SETX: variants seen among roughly 807,000 people sequenced by gnomAD.
SETX encodes the protein senataxin.
In SETX, 90 loss-of-function variants were observed where a neutral mutation model predicts 227.2. The observed-to-expected ratio is 0.40, with a 90% confidence interval of 0.33 to 0.47. The LOEUF is 0.47. SETX is among the 20% of genes least tolerant of loss of function. The pLI, the probability that SETX is intolerant of heterozygous loss-of-function variation, is 0.91. For synonymous variants in SETX, 1,210 were observed against 1,113.2 expected, an observed-to-expected ratio of 1.09 and a Z score of -1.73; for missense variants, 3,052 against 3,181.5, an observed-to-expected ratio of 0.96 and a Z score of 0.98.
rs1843947443 is a variant in SETX, at chr9:132,287,096, T to G, written c.6325-602A>C. 5.9e-5 allele frequency among the ~76,000 whole-genome samples: 9 copies of G among 152,174 alleles called. No homozygotes were observed. In the South Asian group the frequency reaches 1.9e-3, roughly 32 times the overall value. ...TCCACCCATACTGAAGCTAATTCCC[T>G]TTCTGTCTAACCTAATTTGAACTGG... On this transcript the variant is annotated intron_variant, in intron 17 of 25. Coordinates refer to ENST00000224140, the MANE Select transcript of SETX (RefSeq NM_015046.7).
At chr9:132,338,517 C>T (rs1465030915) in intron 5 of SETX, among the ~76,000 whole-genome samples, 1 of 152,110 alleles carries the variant, frequency 6.6e-6, no homozygotes, top group Non-Finnish European at 1.5e-5. Flanking sequence ...TAAATAAGAC[C>T]TTTTACCAGC....
At chr9:132,312,404 C>T (rs1845715549) in intron 10 of SETX, among the ~76,000 whole-genome samples, 1 of 152,294 alleles carries the variant, frequency 6.6e-6, no homozygotes, top group African/African-American at 2.4e-5. Flanking sequence ...TATTCCCAAT[C>T]CCAAATTTAG....
chr9:132,277,239 G>T, intron 21 of SETX, 87 bp from the exon 22 acceptor site: 1 of 1,205,520 alleles, frequency 8.3e-7, no homozygotes, highest in Non-Finnish European at 1.2e-6. Context: ...TTTCTGTGTG[G>T]TGATGTGGGC....
chr9:132,267,235 G>T (rs1472212051), intron 25 of SETX, among the ~76,000 whole-genome samples: 3 of 152,210 alleles, frequency 2.0e-5, no homozygotes, highest in African/African-American at 7.2e-5. Context: ...TAAAATGCTT[G>T]GCCCGGTGGC....
At position 132,327,704 on chromosome 9, in the gene SETX, C is replaced by T; in HGVS notation, c.3894G>A (p.Glu1298=). The change falls in exon 10 of 26, where the codon GAG becomes GAA. Residue 1298 remains glutamate (E), a synonymous_variant. Coordinates refer to ENST00000224140, the MANE Select transcript of SETX (RefSeq NM_015046.7). ...GLKKGPRKAY[E]LSQRSLDYVA... The stretch of plus-strand genomic sequence containing the variant: ...CATAATCCAAAGACCGCTGGGACAA[C>T]TCATATGCCTTACGAGGACCCTTTT... The T allele has an allele frequency of 6.2e-7, 1 of 1,614,148 alleles. No homozygotes were observed. The highest frequency in any genetic ancestry group is 1.1e-5 in the South Asian group (1 of 91,084).
intron 4 of SETX, among the ~76,000 whole-genome samples, chr9:132,345,615 T>C (rs2131554136): frequency 6.6e-6 from 1 of 152,330 alleles, no homozygotes; most frequent in South Asian, 2.1e-4. Context: ...GGTGAACAGA[T>C]ACGTAATAAA....
intron 4 of SETX, among the ~76,000 whole-genome samples, chr9:132,345,969 T>C (rs763688729): frequency 6.6e-6 from 1 of 152,132 alleles, no homozygotes; most frequent in African/African-American, 2.4e-5. Context: ...CAGTGGGCCA[T>C]GACTGCGCCA....
In SETX at chr9:132,296,882, C is replaced by T. The variant is rs374656811; in HGVS notation, c.5949+5G>A. 1,972 of 1,613,814 alleles carry T rather than the reference C, an allele frequency of 1.2e-3. 4 individuals are homozygous for T. The highest frequency in any genetic ancestry group is 1.5e-3 in the Non-Finnish European group (1,808 of 1,179,868). The stretch of plus-strand genomic sequence containing the variant: ...AACAGCATCAGTGCCCTCACCCATA[C>T]CTACCTCTGTCAGTAGACGATAGAG... On this transcript the variant is annotated splice_donor_5th_base_variant and intron_variant, in intron 14 of 25. Coordinates refer to ENST00000224140, the MANE Select transcript of SETX (RefSeq NM_015046.7).
intron 23 of SETX, among the ~76,000 whole-genome samples, 153 bp from the exon 24 acceptor site, chr9:132,271,961 C>A (rs568883561): frequency 6.6e-6 from 1 of 151,694 alleles, no homozygotes; most frequent in Non-Finnish European, 1.5e-5. Context: ...CAGTTCACTG[C>A]AAGCTCTGCC....
chr9:132,296,489 G>T (rs1465742081), intron 14 of SETX, among the ~76,000 whole-genome samples: 2 of 152,036 alleles, frequency 1.3e-5, no homozygotes, highest in African/African-American at 2.4e-5. Flanking sequence ...ACTTGACCTG[G>T]GAGGCAGAGG....
rs200778360 is a variant in SETX, at chr9:132,288,597, C to T, written c.6161G>A (p.Ser2054Asn). 46 of 1,613,916 alleles carry T rather than the reference C, an allele frequency of 2.9e-5. No individual in the cohort carries two copies. The East Asian group carries it at 8.7e-4, about 31-fold the overall frequency. ...VRLGPEKSIN[S>N]EVLKFSLDSQ... ...GTCCAAACTGAACTTTAGAACCTCA[C>T]TATTAATAGACTTTTCTGGACCCAG... Residue 2054 changes from serine to asparagine, a missense_variant, in exon 16 of 26, where the codon AGT becomes AAT. Physicochemically the swap from Ser to Asn is conservative, Grantham distance 46 (BLOSUM62 1). This residue lies in a region of SETX where 412 missense variants were observed against 589.0 expected (regional missense o/e 0.70). Coordinates refer to ENST00000224140, the MANE Select transcript of SETX (RefSeq NM_015046.7).
chr9:132,323,293 C>G (rs1207354345), intron 10 of SETX, among the ~76,000 whole-genome samples: 1 of 152,072 alleles, frequency 6.6e-6, no homozygotes, highest in African/African-American at 2.4e-5. Flanking sequence ...GAAAAGACAT[C>G]CTGGCATTAA....
chr9:132,352,249 T>A (rs541406), intron 2 of SETX, among the ~76,000 whole-genome samples: 1 of 152,024 alleles, frequency 6.6e-6, no homozygotes, highest in Non-Finnish European at 1.5e-5. Context: ...TTTCCTTACC[T>A]ACAACACACC....
rs1847093167 is a variant in SETX, at chr9:132,329,634, C to T, written c.1964G>A (p.Ser655Asn). 2 of 1,613,728 alleles carry T rather than the reference C, an allele frequency of 1.2e-6. No individual in the cohort carries two copies. The highest frequency in any genetic ancestry group is 1.1e-5 in the South Asian group (1 of 91,002). The change falls in exon 10 of 26, where the codon AGT becomes AAT. Residue 655 changes from serine (S) to asparagine (N), a missense_variant. Physicochemically the swap from Ser to Asn is conservative, Grantham distance 46 (BLOSUM62 1). Coordinates refer to ENST00000224140, the MANE Select transcript of SETX (RefSeq NM_015046.7). ...FSKEPMKVQD[S>N]VLIKADNTIE... ...AGTGTTATCTGCTTTGATCAATACA[C>T]TGTCTTGCACTTTCATTGGTTCTTT...
chr9:132,297,113 G>C lies in SETX; in HGVS notation c.5782-59C>G, dbSNP rs961433654. 3.3e-5 allele frequency: 48 copies of C among 1,436,122 alleles called. No homozygotes were observed. In the African/African-American group the frequency reaches 6.7e-4, roughly 20 times the overall value. 89.0% of individuals were successfully genotyped at this position (1,436,122 alleles called of 1,614,324 possible). A position where few individuals can be genotyped will look rare whatever the true frequency, so the allele number is the denominator to read the frequency against. On this transcript the variant is annotated intron_variant, in intron 13 of 25. Transcript: ENST00000224140. Reference sequence around the variant, plus strand: ...CTGTTTCTGTAGTGGAATTTGAAAGGAAGAACATGAAAAAGACCTGTCCAA... The same window carrying C: ...CTGTTTCTGTAGTGGAATTTGAAAGCAAGAACATGAAAAAGACCTGTCCAA...
At chr9:132,290,965 T>C (rs1414190186) in intron 15 of SETX, among the ~76,000 whole-genome samples, 1 of 152,120 alleles carries the variant, frequency 6.6e-6, no homozygotes, top group Non-Finnish European at 1.5e-5. Context: ...ACTGTCTATC[T>C]CCATCCTTTA....
chr9:132,330,900 T>C (rs1458590009), intron 9 of SETX, 152 bp downstream of exon 9: 3 of 680,206 alleles, frequency 4.4e-6, no homozygotes, highest in Non-Finnish European at 7.9e-6. Flanking sequence ...CAACACACAA[T>C]ACATCTGCTG....
chr9:132,355,458 A>C (rs1181206597), upstream of SETX, among the ~76,000 whole-genome samples: 2 of 152,232 alleles, frequency 1.3e-5, no homozygotes, highest in African/African-American at 2.4e-5. Flanking sequence ...TAAACGTGTA[A>C]TTTCGGAGGA....
At chr9:132,312,877 A>G (rs932331788) in intron 10 of SETX, among the ~76,000 whole-genome samples, 2 of 152,352 alleles carry the variant, frequency 1.3e-5, no homozygotes, top group South Asian at 4.1e-4. Flanking sequence ...CAAATGTAAT[A>G]TATCCATACA....
Sources: gnomAD v4.1 joint callset for allele counts (sites outside exome capture counted in the v4.1 genomes callset) on GRCh38, gnomAD v4.1.1 for gene constraint, gnomAD v4.1.1 regional missense constraint, MANE v1.5 for transcripts, NCBI Gene and HGNC (gene_info 2026-07-23, HGNC 2026-07-21) for gene names.